ACSBG2: variants seen among roughly 807,000 people sequenced by gnomAD.
ACSBG2 encodes the protein long-chain-fatty-acid--CoA ligase ACSBG2.
Under a neutral mutation model 74.7 loss-of-function variants are expected in ACSBG2, and 62 were observed. That is an observed-to-expected ratio of 0.83 (90% CI 0.68 to 1.03). The LOEUF (loss-of-function observed/expected upper bound fraction) is 1.03. ACSBG2 is among the 50% of genes least tolerant of loss of function. The pLI is 0.00. For missense variants in ACSBG2, 730 were observed against 817.6 expected, an observed-to-expected ratio of 0.89 and a Z score of 1.31; for synonymous variants, 309 against 294.1, an observed-to-expected ratio of 1.05 and a Z score of -0.52.
Position 6,182,855 on chromosome 19 carries a change from G to C in ACSBG2, c.1011G>C (p.Lys337Asn). The C allele has an allele frequency of 6.2e-7, 1 of 1,614,192 alleles. No homozygotes were observed. Among genetic ancestry groups the C allele is most frequent in the Non-Finnish European group, 8.5e-7 (1 of 1,180,036 alleles). The change falls in exon 9 of 15, where the codon AAG (lysine) becomes AAC (asparagine). Residue 337 changes from lysine to asparagine, a missense_variant. Coordinates refer to ENST00000588485, the MANE Select transcript of ACSBG2 (RefSeq NM_030924.5). Reference protein sequence around the residue: ...IHEMVKKNSAKSMGLKKKAFV... With the variant: ...IHEMVKKNSANSMGLKKKAFV... ...AGATGGTGAAGAAAAATAGTGCCAA[G>C]TCCATGGGCTTGAAGAAGAAGGCAT...
At chr19:6,147,118 GA>G (rs921513984) in intron 2 of ACSBG2, among the ~76,000 whole-genome samples, 8 of 145,618 alleles carry the variant, frequency 5.5e-5, no homozygotes, top group East Asian at 2.0e-4. Context: ...AAGAAAGAAA[GA>G]AAAAAAAAAT....
At chr19:6,141,010 G>A (rs959525564) in intron 1 of ACSBG2, among the ~76,000 whole-genome samples, 2 of 152,080 alleles carry the variant, frequency 1.3e-5, no homozygotes. Context: ...GGGAAATCAA[G>A]CTTTTATACT....
At chr19:6,161,576 G>C in intron 6 of ACSBG2, 1 of 312,334 alleles carries the variant, frequency 3.2e-6, no homozygotes, top group Non-Finnish European at 6.2e-6. Context: ...GCCTTTCAAA[G>C]AAAGTGGGAG....
At chr19:6,139,689 T>A (rs2088743971) in intron 1 of ACSBG2, among the ~76,000 whole-genome samples, 1 of 152,222 alleles carries the variant, frequency 6.6e-6, no homozygotes, top group Admixed American at 6.5e-5. Flanking sequence ...TCAGTTTCAA[T>A]AAATGTTGAC....
intron 6 of ACSBG2, 97 bp downstream of exon 6, chr19:6,161,392 C>T: frequency 1.7e-6 from 2 of 1,170,720 alleles, no homozygotes; most frequent in Non-Finnish European, 2.5e-6. Context: ...GGGAGGAGGT[C>T]GGACCTGGCA....
intron 7 of ACSBG2, chr19:6,175,325 A>G (rs1316481557): frequency 6.6e-6 from 1 of 152,274 alleles, no homozygotes; most frequent in Admixed American, 6.5e-5. Flanking sequence ...GTACTGGGGA[A>G]TATTCCAGGA....
At chr19:6,154,727 G>C (rs1177056414) in intron 4 of ACSBG2, among the ~76,000 whole-genome samples, 1 of 151,874 alleles carries the variant, frequency 6.6e-6, no homozygotes, top group African/African-American at 2.4e-5. Flanking sequence ...GGCCAGGCTG[G>C]TCTCAAACTC....
intron 13 of ACSBG2, 34 bp from the exon 14 acceptor site, chr19:6,190,550 T>C: frequency 1.3e-6 from 2 of 1,593,106 alleles, no homozygotes; most frequent in South Asian, 2.2e-5. Flanking sequence ...TTCTTTTATC[T>C]CCACAACTCA....
intron 14 of ACSBG2, 42 bp from the exon 15 acceptor site, chr19:6,192,626 C>CGAGAATCCCCATGTGATAACTTGT (rs2090595434): frequency 6.6e-6 from 1 of 152,126 alleles, no homozygotes; most frequent in Admixed American, 6.5e-5. Flanking sequence ...GCACATATTA[C>CGAGAATCCCCATGTGATAACTTGT]GAGAATCCCC....
rs185761931 is a variant in ACSBG2, at chr19:6,141,362, C to T, written c.-31-151C>T. Among the ~76,000 whole-genome samples the T allele has an allele frequency of 4.3e-3, 648 of 152,148 alleles. 18 individuals carry two copies. The highest frequency in any genetic ancestry group is 0.031 in the Admixed American group (478 of 15,250). ...ACAAATGCTCTATTATCTGGCATGCCGGCCACTCTCCTCTCCTCCCAGGCC... is the reference window on the plus strand; with the variant it reads ...ACAAATGCTCTATTATCTGGCATGCTGGCCACTCTCCTCTCCTCCCAGGCC... On this transcript the variant is annotated intron_variant, in intron 1 of 14. Coordinates refer to ENST00000588485, the MANE Select transcript of ACSBG2 (RefSeq NM_030924.5).
In ACSBG2 at chr19:6,147,671, T is replaced by C. The variant is rs761057372; in HGVS notation, c.293T>C (p.Ile98Thr). Reference sequence around the variant, plus strand: ...TGTCGGAAGGCTGCAAAATCCTTGATCAAGGTAAGATTCATTCATTCATTC... The same window carrying C: ...TGTCGGAAGGCTGCAAAATCCTTGACCAAGGTAAGATTCATTCATTCATTC... ...EACRKAAKSL[I>T]KLGLERFHGV... Residue 98 changes from isoleucine (I) to threonine (T), a missense_variant, in exon 3 of 15, where the codon ATC becomes ACC. By Grantham distance (89) the Ile-to-Thr change is moderately conservative. Transcript: ENST00000588485. 5 of 1,612,392 alleles carry C rather than the reference T, an allele frequency of 3.1e-6. No individual in the cohort carries two copies.
chr19:6,187,624 A>G lies in ACSBG2; in HGVS notation c.1706A>G (p.Glu569Gly). 1.2e-6 allele frequency: 2 copies of G among 1,613,986 alleles called. No homozygotes were observed. Among genetic ancestry groups the G allele is most frequent in the Non-Finnish European group, 8.5e-7 (1 of 1,180,018 alleles). The change falls in exon 13 of 15, where the codon GAA (glutamate) becomes GGA (glycine). Residue 569 changes from glutamate (E) to glycine (G), a missense_variant. Physicochemically the swap from Glu to Gly is moderately conservative, Grantham distance 98. Transcript: ENST00000588485. ...TGTGAGATGAATCAGATGAGCGGAG[A>G]ACCTCTGGACAAGCTGAACTTCGAG... is the stretch of plus-strand genomic sequence containing the variant. ...LKCEMNQMSGEPLDKLNFEAI... is the reference protein window; with the variant it reads ...LKCEMNQMSGGPLDKLNFEAI...
intron 1 of ACSBG2, among the ~76,000 whole-genome samples, chr19:6,136,338 C>T (rs1489465864): frequency 2.0e-5 from 3 of 152,250 alleles, no homozygotes; most frequent in Non-Finnish European, 4.4e-5. Flanking sequence ...GTGATCCACC[C>T]GCCTTGGCCT....
intron 2 of ACSBG2, among the ~76,000 whole-genome samples, chr19:6,143,206 G>A (rs998088751): frequency 4.0e-5 from 6 of 151,086 alleles, no homozygotes; most frequent in African/African-American, 9.8e-5. Context: ...CACCGTGCCT[G>A]GCTAATTTTT....
chr19:6,187,875 C>T (rs1215522815), intron 13 of ACSBG2, 30 bp downstream of exon 13: 9 of 1,608,244 alleles, frequency 5.6e-6, no homozygotes, highest in Admixed American at 1.7e-5. Flanking sequence ...GGAGGCTGGT[C>T]CCTTGTTAGC....
chr19:6,151,582 A>G (rs1196269606), intron 3 of ACSBG2, 125 bp from the exon 4 acceptor site: 1 of 889,106 alleles, frequency 1.1e-6, no homozygotes. Flanking sequence ...AAGTGCTAGG[A>G]TTACAGGTGT....
intron 2 of ACSBG2, among the ~76,000 whole-genome samples, chr19:6,142,651 G>C (rs1218492848): frequency 6.6e-6 from 1 of 150,888 alleles, no homozygotes; most frequent in African/African-American, 2.4e-5. Context: ...TATTCAGGAG[G>C]CTGAGGCAGG....
chr19:6,190,764 G>GC, intron 14 of ACSBG2, 72 bp downstream of exon 14: 1 of 792,970 alleles, frequency 1.3e-6, no homozygotes, highest in Non-Finnish European at 2.1e-6. Context: ...TGTGTGGCAG[G>GC]CAGATCTGTG....
rs536312263 is a variant in ACSBG2 at position 6,150,983 on chromosome 19, G to A, written c.298-724G>A. 9.2e-5 allele frequency among the ~76,000 whole-genome samples: 14 copies of A among 151,844 alleles called. No homozygotes were observed. In the South Asian group the frequency reaches 1.9e-3, roughly 20 times the overall value. ...ACAAAAATTAGCCAGGCGTGGTGGC[G>A]CGTGTCTGTAATTCCAGCTACTTCG... On this transcript the variant is annotated intron_variant, in intron 3 of 14. Transcript: ENST00000588485.
Sources: allele counts gnomAD v4.1 joint callset (sites outside exome capture counted in the v4.1 genomes callset), GRCh38; gene constraint gnomAD v4.1.1; transcripts MANE v1.5; gene names NCBI Gene and HGNC (gene_info 2026-07-23, HGNC 2026-07-21).